Variants in DOCK9 observed in about 807,000 individuals in gnomAD.
DOCK9 encodes the protein dedicator of cytokinesis 9, also known as dedicator of cytokinesis protein 9.
DOCK9 carries 89 observed loss-of-function variants against 263.3 expected under a neutral mutation model. That is an observed-to-expected ratio of 0.34 (90% confidence interval 0.28 to 0.40). DOCK9 has a LOEUF of 0.40. Ranked by LOEUF, DOCK9 falls within the 10% of genes least tolerant of loss-of-function variation. The pLI is 1.00. For synonymous variants in DOCK9, 976 were observed against 973.1 expected (o/e 1.00, Z -0.06); for missense variants, 2,140 against 2,603.4 (o/e 0.82, Z 3.87).
chr13:98,969,239 C>T (rs760977675), intron 1 of DOCK9, among the ~76,000 whole-genome samples: 2 of 152,182 alleles, frequency 1.3e-5, no homozygotes, highest in Non-Finnish European at 2.9e-5. Flanking sequence ...ACAATAGCCA[C>T]GTCCCATGTA....
chr13:98,959,234 AT>A (rs1302380793), intron 1 of DOCK9, among the ~76,000 whole-genome samples: 2 of 152,266 alleles, frequency 1.3e-5, no homozygotes, highest in Non-Finnish European at 2.9e-5. Context: ...ATACTCAACC[AT>A]AGTAAATGTG....
At chr13:98,876,448 G>A (rs117679333) in intron 27 of DOCK9, among the ~76,000 whole-genome samples, 5,979 of 152,228 alleles carry the variant, frequency 0.039, 175 homozygotes, top group Non-Finnish European at 0.061. Context: ...CCCAGATTGC[G>A]TCACAGCACT....
chr13:98,804,605 C>A (rs997821699), intron 49 of DOCK9, among the ~76,000 whole-genome samples: 1 of 152,074 alleles, frequency 6.6e-6, no homozygotes, highest in Admixed American at 6.6e-5. Context: ...CATGCTAGAA[C>A]CTGAGACAGG....
At chr13:98,832,068 T>G in intron 39 of DOCK9, 1 of 341,344 alleles carries the variant, frequency 2.9e-6, no homozygotes, top group South Asian at 7.7e-5. Flanking sequence ...ATGTACTCAT[T>G]TTTACTGTCC....
chr13:98,895,300 A>T (rs2139223018), intron 15 of DOCK9, among the ~76,000 whole-genome samples: 1 of 152,270 alleles, frequency 6.6e-6, no homozygotes, highest in South Asian at 2.1e-4. Flanking sequence ...GGGAAATATT[A>T]CATATTTAGT....
intron 1 of DOCK9, among the ~76,000 whole-genome samples, chr13:99,039,372 T>C (rs1210841873): frequency 6.6e-6 from 1 of 152,122 alleles, no homozygotes; most frequent in East Asian, 1.9e-4. Flanking sequence ...CCATGACTCA[T>C]GGGAAGAAAA....
chr13:98,899,252 T>C (rs2047903274), intron 13 of DOCK9, among the ~76,000 whole-genome samples: 1 of 152,048 alleles, frequency 6.6e-6, no homozygotes, highest in African/African-American at 2.4e-5. Context: ...GTGTGTACCA[T>C]CAGCCACAGG....
chr13:98,925,926 A>C lies in DOCK9; in HGVS notation c.334-7T>G, dbSNP rs2140178750. 1 of 1,546,640 alleles carries C rather than the reference A, an allele frequency of 6.5e-7. No homozygotes were observed. On this transcript the variant is annotated splice_polypyrimidine_tract_variant and splice_region_variant and intron_variant, in intron 3 of 52. Coordinates refer to ENST00000682017, the MANE Select transcript of DOCK9 (RefSeq NM_001366683.2). Reference sequence around the variant, plus strand: ...AGTTATAGGTTTTGATGCACTATTGAAGGGGGATTTTAAAAATAGAAAATA... The same window carrying C: ...AGTTATAGGTTTTGATGCACTATTGCAGGGGGATTTTAAAAATAGAAAATA...
At position 98,916,418 on chromosome 13, in the gene DOCK9, A is replaced by T. The variant is rs149851732; in HGVS notation, c.718-915T>A. Among the ~76,000 whole-genome samples the T allele has an allele frequency of 5.3e-5, 8 of 151,982 alleles. No homozygotes were observed. The South Asian group carries it at 1.3e-3, about 24-fold the overall frequency. Reference sequence around the variant, plus strand: ...CAGGCTGAGCGATATGAAATCAAACACTCCCACTAACCTGAGCCAGCAGGA... The same window carrying T: ...CAGGCTGAGCGATATGAAATCAAACTCTCCCACTAACCTGAGCCAGCAGGA... On this transcript the variant is annotated intron_variant, in intron 7 of 52. Coordinates refer to ENST00000682017, the MANE Select transcript of DOCK9 (RefSeq NM_001366683.2).
chr13:98,800,213 A>G (rs1594107362), intron 50 of DOCK9, 75 bp downstream of exon 50: 2 of 1,435,938 alleles, frequency 1.4e-6, no homozygotes, highest in Non-Finnish European at 9.3e-7. Flanking sequence ...AGACCTTGTT[A>G]GTGGAAACGA....
At chr13:98,874,291 A>T (rs2094268483) in intron 27 of DOCK9, among the ~76,000 whole-genome samples, 1 of 152,210 alleles carries the variant, frequency 6.6e-6, no homozygotes, top group Non-Finnish European at 1.5e-5. Flanking sequence ...TGCTTTTGAG[A>T]TCCAACCATG....
intron 1 of DOCK9, among the ~76,000 whole-genome samples, chr13:98,959,731 G>C (rs943094285): frequency 6.6e-6 from 1 of 152,214 alleles, no homozygotes; most frequent in African/African-American, 2.4e-5. Context: ...AAGAGAGGCA[G>C]GGATGGAGCC....
intron 1 of DOCK9, among the ~76,000 whole-genome samples, chr13:99,009,713 T>C (rs1884126039): frequency 6.6e-6 from 1 of 151,744 alleles, no homozygotes; most frequent in Admixed American, 6.6e-5. Flanking sequence ...GATGGGGGCT[T>C]TCAGGGGCCA....
intron 12 of DOCK9, 91 bp downstream of exon 12, chr13:98,902,197 A>C: frequency 2.9e-6 from 4 of 1,373,492 alleles, no homozygotes; most frequent in Non-Finnish European, 3.9e-6. Context: ...CCACTTGTGC[A>C]TTACAAGGTC....
At chr13:98,986,393 C>G (rs570682029) in intron 1 of DOCK9, among the ~76,000 whole-genome samples, 1 of 152,202 alleles carries the variant, frequency 6.6e-6, no homozygotes, top group Non-Finnish European at 1.5e-5. Context: ...ACTCTAGACT[C>G]GTACTTCTGC....
intron 50 of DOCK9, among the ~76,000 whole-genome samples, chr13:98,799,159 T>C (rs2089804518): frequency 6.6e-6 from 1 of 152,212 alleles, no homozygotes; most frequent in Non-Finnish European, 1.5e-5. Context: ...GCTTTTGTGG[T>C]GAATGACACA....
At chr13:99,040,914 A>G (rs919226114) in intron 1 of DOCK9, among the ~76,000 whole-genome samples, 2 of 152,210 alleles carry the variant, frequency 1.3e-5, no homozygotes. Context: ...CTGGTTTGGC[A>G]GCCTACATAA....
intron 39 of DOCK9, among the ~76,000 whole-genome samples, chr13:98,833,973 A>C (rs1264738537): frequency 6.6e-6 from 1 of 152,222 alleles, no homozygotes; most frequent in Admixed American, 6.5e-5. Flanking sequence ...TCTTATTTCT[A>C]TCTTTTTATC....
intron 1 of DOCK9, chr13:99,015,521 C>T (rs1317724120): frequency 6.3e-7 from 1 of 1,598,180 alleles, no homozygotes; most frequent in Non-Finnish European, 8.5e-7. Context: ...GCATTATTCT[C>T]TCCTTGCTGT....
Sources: allele counts gnomAD v4.1 joint callset (sites outside exome capture counted in the v4.1 genomes callset), GRCh38; gene constraint gnomAD v4.1.1; transcripts MANE v1.5; gene names NCBI Gene and HGNC (gene_info 2026-07-23, HGNC 2026-07-21).